The following CALN1 variants were observed in gnomAD, a reference collection of about 807,000 sequenced individuals.
CALN1 encodes calneuron 1.
A neutral mutation model predicts 30.6 loss-of-function variants in CALN1; 17 were observed. That is an observed-to-expected ratio of 0.56 (90% confidence interval 0.38 to 0.83). The LOEUF (loss-of-function observed/expected upper bound fraction) is 0.83, where lower values mean the gene tolerates loss of function less well. Among genes scored for constraint, CALN1 ranks in the 40% least tolerant of loss-of-function variants. The pLI, the probability that CALN1 is intolerant of heterozygous loss-of-function variation, is 0.00. For missense variants in CALN1, 291 were observed against 354.9 expected (o/e 0.82, Z 1.45); for synonymous variants, 156 against 131.4 (o/e 1.19, Z -1.28).
intron 4 of CALN1, among the ~76,000 whole-genome samples, chr7:72,028,083 A>C (rs56132470): frequency 0.14 from 20,700 of 149,722 alleles, 2,427 homozygotes; most frequent in East Asian, 0.34. Flanking sequence ...AAAAAAAAAA[A>C]AACACATGAG....
At chr7:72,467,026 G>A in the CALN1 span, among the ~76,000 whole-genome samples, 3 of 152,132 alleles carry the variant, frequency 2.0e-5, no homozygotes, top group Non-Finnish European at 4.4e-5. Flanking sequence ...GAGGATCAAA[G>A]AGAAGTTAAT....
In CALN1 at chr7:72,220,212, C is replaced by G. The variant is rs1221884536; in HGVS notation, c.244+58474G>C. 5.0e-5 allele frequency among the ~76,000 whole-genome samples: 6 copies of G among 120,660 alleles called. No homozygotes were observed. The South Asian group carries it at 8.7e-4, about 17-fold the overall frequency. 79.2% of individuals were successfully genotyped at this position (120,660 alleles called of 152,430 possible). A position where few individuals can be genotyped will look rare whatever the true frequency, so the allele number is the denominator to read the frequency against. On this transcript the variant is annotated intron_variant, in intron 3 of 6. Coordinates refer to ENST00000395275, the MANE Select transcript of CALN1 (RefSeq NM_031468.4). ...CCCCCTCCCCCCACCCCACAACAGTCCCTGGAGTGTGATGTTCCCCTTCCT... is the reference window on the plus strand; with the variant it reads ...CCCCCTCCCCCCACCCCACAACAGTGCCTGGAGTGTGATGTTCCCCTTCCT...
chr7:72,041,318 T>A (rs1802110638), intron 4 of CALN1, among the ~76,000 whole-genome samples: 1 of 152,064 alleles, frequency 6.6e-6, no homozygotes, highest in Admixed American at 6.6e-5. Context: ...GTGGGGCTGA[T>A]AACTGGAGTG....
rs1321826369 is a variant in CALN1 at position 72,228,912 on chromosome 7, C to A, written c.244+49774G>T. ...GAGTAGCTGGGACTACAGGCACATG[C>A]CACCATGCCTGGCAATTTTTTTTTT... On this transcript the variant is annotated intron_variant, in intron 3 of 6. Transcript: ENST00000395275. Among the ~76,000 whole-genome samples the A allele has an allele frequency of 4.6e-5, 7 of 151,168 alleles. No individual in the cohort carries two copies. In the South Asian group the frequency reaches 1.5e-3, roughly 32 times the overall value.
At chr7:72,464,792 C>T in the CALN1 span, among the ~76,000 whole-genome samples, 1 of 152,186 alleles carries the variant, frequency 6.6e-6, no homozygotes, top group Non-Finnish European at 1.5e-5. Flanking sequence ...TAGATCCTTC[C>T]TTTTTAGTCC....
At chr7:72,263,327 A>C (rs937447667) in intron 3 of CALN1, among the ~76,000 whole-genome samples, 2 of 152,194 alleles carry the variant, frequency 1.3e-5, no homozygotes, top group Non-Finnish European at 2.9e-5. Flanking sequence ...GAGAAAATCA[A>C]AACTTGTGGG....
intron 3 of CALN1, among the ~76,000 whole-genome samples, chr7:72,154,348 T>C (rs1184803608): frequency 6.6e-6 from 1 of 152,144 alleles, no homozygotes; most frequent in East Asian, 1.9e-4. Flanking sequence ...GCCATCTACA[T>C]GTCTGACGAC....
At chr7:72,055,081 T>C (rs1355776771) in intron 4 of CALN1, among the ~76,000 whole-genome samples, 1 of 152,186 alleles carries the variant, frequency 6.6e-6, no homozygotes. Context: ...CCACAGAGCA[T>C]TTTTTATCTG....
chr7:72,207,780 G>C (rs756807172), intron 3 of CALN1, among the ~76,000 whole-genome samples: 10 of 152,254 alleles, frequency 6.6e-5, no homozygotes, highest in South Asian at 4.1e-4. Flanking sequence ...ATGACAGGTG[G>C]AACTCTGGGC....
At chr7:72,427,288 T>C (rs1807828107) in intron 1 of CALN1, among the ~76,000 whole-genome samples, 1 of 152,122 alleles carries the variant, frequency 6.6e-6, no homozygotes, top group South Asian at 2.1e-4. Context: ...TACCCTGCCC[T>C]TTGAGAACCA....
chr7:72,280,717 T>C (rs1284098568), intron 2 of CALN1, among the ~76,000 whole-genome samples: 1 of 152,174 alleles, frequency 6.6e-6, no homozygotes, highest in Non-Finnish European at 1.5e-5. Flanking sequence ...AAATTTTGTG[T>C]GTCAGAAACT....
intron 3 of CALN1, among the ~76,000 whole-genome samples, chr7:72,148,802 G>C (rs1247710611): frequency 1.3e-5 from 2 of 152,090 alleles, no homozygotes; most frequent in African/African-American, 4.8e-5. Context: ...TTACTCAGGA[G>C]GCTGAGGCAG....
At chr7:72,211,924 T>A (rs1391466254) in intron 3 of CALN1, among the ~76,000 whole-genome samples, 1 of 152,146 alleles carries the variant, frequency 6.6e-6, no homozygotes, top group Non-Finnish European at 1.5e-5. Flanking sequence ...CTGGCCCACA[T>A]TAAAAGCACA....
chr7:72,360,620 ATACTT>A (rs1427409697), intron 2 of CALN1, among the ~76,000 whole-genome samples: 1 of 149,418 alleles, frequency 6.7e-6, no homozygotes, highest in Non-Finnish European at 1.5e-5. Flanking sequence ...TTTTTTTATT[ATACTT>A]TAAGTTCTAG....
intron 5 of CALN1, among the ~76,000 whole-genome samples, chr7:71,854,315 G>A (rs1451077290): frequency 6.6e-6 from 1 of 151,660 alleles, no homozygotes; most frequent in Non-Finnish European, 1.5e-5. Context: ...TCCAGCCTCG[G>A]TGACAGAGCA....
In CALN1 at chr7:71,923,235, G is replaced by A. The variant is rs74430406; in HGVS notation, c.501+100422C>T. On this transcript the variant is annotated intron_variant, in intron 5 of 6. Transcript: ENST00000395275. ...CCCTTTATGCTCATTTGTTCTTTCT[G>A]ACAGAAAAAGCCTACAGCCAACCTC... is the stretch of plus-strand genomic sequence containing the variant. 6.9e-4 allele frequency among the ~76,000 whole-genome samples: 105 copies of A among 152,220 alleles called. 1 individual carries two copies. Among genetic ancestry groups the A allele is most frequent in the African/African-American group, 2.5e-3 (102 of 41,550 alleles).
rs185231795 is a variant in CALN1 at position 72,386,764 on chromosome 7, T to A, written c.119+16487A>T. The stretch of plus-strand genomic sequence containing the variant: ...GATCCTCCTACCTCAGCATTCTGAG[T>A]AGCTGGGGCTACAGGGGCATGCCAC... On this transcript the variant is annotated intron_variant, in intron 2 of 6. Coordinates refer to ENST00000395275, the MANE Select transcript of CALN1 (RefSeq NM_031468.4). Among the ~76,000 whole-genome samples, 391 of 152,150 alleles carry A rather than the reference T, an allele frequency of 2.6e-3. 4 individuals carry two copies. Among genetic ancestry groups the A allele is most frequent in the Admixed American group, 0.021 (324 of 15,288 alleles).
At chr7:72,219,639 GCACACACA>G (rs147484869) in intron 3 of CALN1, among the ~76,000 whole-genome samples, 1 of 151,044 alleles carries the variant, frequency 6.6e-6, no homozygotes, top group South Asian at 2.1e-4. Flanking sequence ...ACACATGCGC[GCACACACA>G]CACACGCACA....
chr7:72,213,303 A>G (rs1276548924), intron 3 of CALN1, among the ~76,000 whole-genome samples: 2 of 152,262 alleles, frequency 1.3e-5, no homozygotes, highest in Admixed American at 6.5e-5. Context: ...CTTGGACATC[A>G]AGGAATTTTC....
Sources: gnomAD v4.1 joint callset for allele counts (sites outside exome capture counted in the v4.1 genomes callset) on GRCh38, gnomAD v4.1.1 for gene constraint, MANE v1.5 for transcripts, NCBI Gene and HGNC (gene_info 2026-07-23, HGNC 2026-07-21) for gene names.